ALCAM: variants seen among roughly 807,000 people sequenced by gnomAD.
ALCAM encodes CD166 antigen.
A neutral mutation model predicts 70.9 loss-of-function variants in ALCAM; 30 were observed. That is an observed-to-expected ratio of 0.42 (90% CI 0.32 to 0.57). The LOEUF (loss-of-function observed/expected upper bound fraction) is 0.57, where lower values mean the gene tolerates loss of function less well. Among genes scored for constraint, ALCAM ranks in the 20% least tolerant of loss-of-function variants. The probability of loss-of-function intolerance (pLI) is 0.11; values close to 1 mark genes in which losing one functional copy is unlikely to be tolerated. For synonymous variants in ALCAM, 249 were observed against 242.5 expected (o/e 1.03, Z -0.25); for missense variants, 591 against 695.1 (o/e 0.85, Z 1.68).
chr3:105,488,371 G>A (rs1320264608), intron 1 of ALCAM, among the ~76,000 whole-genome samples: 1 of 152,006 alleles, frequency 6.6e-6, no homozygotes, highest in East Asian at 1.9e-4. Flanking sequence ...GAATATAAAG[G>A]CCAATCCAGG....
chr3:105,432,505 A>C (rs1936958515), intron 1 of ALCAM, among the ~76,000 whole-genome samples: 1 of 152,094 alleles, frequency 6.6e-6, no homozygotes, highest in African/African-American at 2.4e-5. Flanking sequence ...CTCTAGGTAG[A>C]TATTCCGATT....
chr3:105,411,926 A>G (rs892239865), intron 1 of ALCAM, among the ~76,000 whole-genome samples: 6 of 152,108 alleles, frequency 3.9e-5, no homozygotes, highest in African/African-American at 1.4e-4. Context: ...TGAAAAGTAT[A>G]AGAAATGATT....
intron 5 of ALCAM, among the ~76,000 whole-genome samples, chr3:105,534,210 C>T (rs1939913116): frequency 6.6e-6 from 1 of 152,078 alleles, no homozygotes; most frequent in Non-Finnish European, 1.5e-5. Flanking sequence ...CTTGTGGTTG[C>T]CCACCGCTCA....
intron 4 of ALCAM, among the ~76,000 whole-genome samples, chr3:105,532,564 G>T (rs998499305): frequency 6.6e-6 from 1 of 152,098 alleles, no homozygotes; most frequent in Non-Finnish European, 1.5e-5. Flanking sequence ...AGCCATGTTT[G>T]CACCATTGCA....
In ALCAM at chr3:105,575,076, A is replaced by G. The variant is rs1940932612; in HGVS notation, c.*625A>G. The G allele has an allele frequency of 6.6e-6, 1 of 152,554 alleles. No homozygotes were observed. The highest frequency in any genetic ancestry group is 1.5e-5 in the Non-Finnish European group (1 of 68,026). 9.5% of individuals were successfully genotyped at this position (152,554 alleles called of 1,614,324 possible). A position where few individuals can be genotyped will look rare whatever the true frequency, so the allele number is the denominator to read the frequency against. On this transcript the variant is annotated 3_prime_UTR_variant, in exon 16 of 16. Transcript: ENST00000306107. Reference sequence around the variant, plus strand: ...CGACTCTTTGATATGCCACCAGCGAACTCTCAGAAATAAATCACAGATGCA... The same window carrying G: ...CGACTCTTTGATATGCCACCAGCGAGCTCTCAGAAATAAATCACAGATGCA...
At chr3:105,406,773 C>A (rs1936245441) in intron 1 of ALCAM, among the ~76,000 whole-genome samples, 1 of 151,318 alleles carries the variant, frequency 6.6e-6, no homozygotes, top group African/African-American at 2.4e-5. Flanking sequence ...AAAACTGGTT[C>A]TTTGAAAAGG....
In ALCAM at chr3:105,576,186, A is replaced by G. The variant is rs528702228; in HGVS notation, c.*1735A>G. 14 of 152,700 alleles carry G rather than the reference A, an allele frequency of 9.2e-5. No homozygotes were observed. The highest frequency in any genetic ancestry group is 3.4e-4 in the African/African-American group (14 of 41,584). 9.5% of individuals were successfully genotyped at this position (152,700 alleles called of 1,614,324 possible). ...ATTGAAGTTTTATTTGGCAGGAAAA[A>G]AAATTGAATCTTGGTCAACATTTAA... is the stretch of plus-strand genomic sequence containing the variant. On this transcript the variant is annotated 3_prime_UTR_variant, in exon 16 of 16. Transcript: ENST00000306107.
At chr3:105,557,988 G>C (rs903801157) in intron 14 of ALCAM, among the ~76,000 whole-genome samples, 2 of 151,958 alleles carry the variant, frequency 1.3e-5, no homozygotes, top group Admixed American at 6.6e-5. Context: ...ACTCTCAGTG[G>C]GGATTAGTGT....
At chr3:105,430,090 C>T (rs1576157901) in intron 1 of ALCAM, among the ~76,000 whole-genome samples, 1 of 151,772 alleles carries the variant, frequency 6.6e-6, no homozygotes, top group East Asian at 1.9e-4. Context: ...TTCATGGACA[C>T]TATATTTTTA....
At chr3:105,477,682 C>A (rs1938157776) in intron 1 of ALCAM, among the ~76,000 whole-genome samples, 2 of 152,008 alleles carry the variant, frequency 1.3e-5, no homozygotes, top group South Asian at 4.1e-4. Context: ...CTGCCTCATT[C>A]TCTCTCTACT....
chr3:105,390,531 T>C (rs1305789038), intron 1 of ALCAM, among the ~76,000 whole-genome samples: 1 of 152,146 alleles, frequency 6.6e-6, no homozygotes, highest in East Asian at 1.9e-4. Context: ...TGCAAAAATT[T>C]TCTCCCATTC....
chr3:105,464,170 A>G (rs1383284840), intron 1 of ALCAM, among the ~76,000 whole-genome samples: 1 of 151,334 alleles, frequency 6.6e-6, no homozygotes, highest in Non-Finnish European at 1.5e-5. Flanking sequence ...AGTATTGGTA[A>G]AATTAAGATT....
chr3:105,367,964 G>C (rs534032230), intron 1 of ALCAM, among the ~76,000 whole-genome samples: 1 of 152,032 alleles, frequency 6.6e-6, no homozygotes, highest in Non-Finnish European at 1.5e-5. Context: ...GGGAGGGGTA[G>C]AGAAGGAGAG....
chr3:105,481,478 G>T (rs1938270280), intron 1 of ALCAM, among the ~76,000 whole-genome samples: 1 of 152,138 alleles, frequency 6.6e-6, no homozygotes, highest in South Asian at 2.1e-4. Flanking sequence ...ATGTAGTGCT[G>T]ATTATGGGTC....
chr3:105,564,059 T>C (rs1386946037), intron 14 of ALCAM, among the ~76,000 whole-genome samples: 1 of 152,168 alleles, frequency 6.6e-6, no homozygotes, highest in Non-Finnish European at 1.5e-5. Context: ...TACATTGAGA[T>C]TTATTTTTTG....
chr3:105,509,798 A>G (rs769575828), intron 1 of ALCAM, among the ~76,000 whole-genome samples: 55 of 152,204 alleles, frequency 3.6e-4, no homozygotes, highest in Non-Finnish European at 6.2e-4. Flanking sequence ...AATTATTGCC[A>G]AGTCCAATGT....
At chr3:105,571,751 C>T in intron 14 of ALCAM, 101 bp from the exon 15 acceptor site, 2 of 894,554 alleles carry the variant, frequency 2.2e-6, no homozygotes, top group Non-Finnish European at 3.3e-6. Flanking sequence ...TGCTGTAAAA[C>T]ATTTGCTTTT....
intron 14 of ALCAM, among the ~76,000 whole-genome samples, chr3:105,558,765 T>G (rs1278020081): frequency 2.0e-5 from 3 of 152,168 alleles, no homozygotes; most frequent in Admixed American, 2.0e-4. Flanking sequence ...TCAAGCTCCC[T>G]GACTCACCTT....
intron 1 of ALCAM, chr3:105,440,771 T>C (rs1024929191): frequency 1.5e-4 from 23 of 152,218 alleles, no homozygotes; most frequent in African/African-American, 5.5e-4. Context: ...TAATCATTAA[T>C]TACCTCATGG....
Sources: allele counts gnomAD v4.1 joint callset (sites outside exome capture counted in the v4.1 genomes callset), GRCh38; gene constraint gnomAD v4.1.1; transcripts MANE v1.5; gene names NCBI Gene and HGNC (gene_info 2026-07-23, HGNC 2026-07-21).